SGK1: variants seen among roughly 807,000 people sequenced by gnomAD.
SGK1 encodes serum/glucocorticoid regulated kinase 1, also known as serine/threonine-protein kinase Sgk1.
SGK1 carries 26 observed loss-of-function variants against 64.2 expected under a neutral mutation model. The ratio of observed to expected loss-of-function variants is 0.40; its 90% CI spans 0.30 to 0.56. The LOEUF (loss-of-function observed/expected upper bound fraction) is 0.56, where lower values mean the gene tolerates loss of function less well. Among genes scored for constraint, SGK1 ranks in the 20% least tolerant of loss-of-function variants. The probability of loss-of-function intolerance (pLI) is 0.38; values close to 1 mark genes in which losing one functional copy is unlikely to be tolerated. For synonymous variants in SGK1, 265 were observed against 239.7 expected, an observed-to-expected ratio of 1.11 and a Z score of -0.98; for missense variants, 519 against 645.6, an observed-to-expected ratio of 0.80 and a Z score of 2.12.
rs183187288 is a variant in SGK1 at position 134,298,837 on chromosome 6, G to A, written c.69+18555C>T. ...TTTATTTGAGATGGAGTCTCTCTCC[G>A]TCGCCCAGGCTGGAGTGCAGTGGCT... On this transcript the variant is annotated intron_variant, in intron 1 of 13. Transcript: ENST00000367858. 2.5e-3 allele frequency: 608 copies of A among 246,602 alleles called. 13 individuals are homozygous for A. In the Admixed American group the frequency reaches 0.03, roughly 12 times the overall value. The allele number at this position is 246,602 out of a possible 1,614,324, so 15.3% of individuals were successfully genotyped here.
intron 3 of SGK1, chr6:134,174,835 T>A (rs374382279): frequency 1.2e-6 from 2 of 1,613,518 alleles, no homozygotes; most frequent in African/African-American, 1.3e-5. Flanking sequence ...AGAAAGACGT[T>A]AGCGCTCAAA....
intron 3 of SGK1, among the ~76,000 whole-genome samples, chr6:134,182,958 T>G (rs371907409): frequency 6.6e-6 from 1 of 152,190 alleles, no homozygotes; most frequent in Non-Finnish European, 1.5e-5. Context: ...AGTTTTTACT[T>G]GCTCGAGGAA....
intron 3 of SGK1, among the ~76,000 whole-genome samples, chr6:134,206,337 T>TGAGATA (rs1562250103): frequency 9.0e-6 from 1 of 111,458 alleles, no homozygotes; most frequent in East Asian, 3.9e-4. Flanking sequence ...CTGTACCTGA[T>TGAGATA]GATATATATA....
chr6:134,247,789 A>G (rs1776546840), intron 2 of SGK1, among the ~76,000 whole-genome samples: 1 of 152,150 alleles, frequency 6.6e-6, no homozygotes, highest in African/African-American at 2.4e-5. Flanking sequence ...CATTCACTAA[A>G]ATTATAGATA....
intron 1 of SGK1, among the ~76,000 whole-genome samples, chr6:134,284,771 A>G (rs1483488230): frequency 1.3e-5 from 2 of 152,188 alleles, no homozygotes; most frequent in East Asian, 1.9e-4. Flanking sequence ...GGCATGAGCC[A>G]CCACACCCAG....
chr6:134,283,815 A>G (rs1156230558), intron 1 of SGK1, among the ~76,000 whole-genome samples: 2 of 134,152 alleles, frequency 1.5e-5, no homozygotes, highest in African/African-American at 5.5e-5. Context: ...ATGAGCCATG[A>G]TCGCAGCACT....
Position 134,254,593 on chromosome 6 carries a change from T to A in SGK1, c.285+7340A>T, listed in dbSNP as rs149666238. 1.7e-3 allele frequency among the ~76,000 whole-genome samples: 252 copies of A among 152,258 alleles called. 1 individual carries two copies. The highest frequency in any genetic ancestry group is 5.4e-3 in the Admixed American group (82 of 15,288). On this transcript the variant is annotated intron_variant, in intron 2 of 13. Transcript: ENST00000367858. The stretch of plus-strand genomic sequence containing the variant: ...TTAAACGATATAAAGAAAGCTAATG[T>A]CCTCCTTGACTCATCTCCTCCACCT...
intron 2 of SGK1, among the ~76,000 whole-genome samples, chr6:134,217,158 A>C (rs892688247): frequency 5.3e-5 from 8 of 152,154 alleles, no homozygotes; most frequent in African/African-American, 4.8e-5. Flanking sequence ...TGAAAGTGAA[A>C]AGGCAGGGAT....
intron 2 of SGK1, among the ~76,000 whole-genome samples, chr6:134,256,088 C>CTTTTTTTTTTTTTTT (rs68106923): frequency 7.2e-6 from 1 of 139,244 alleles, no homozygotes; most frequent in Non-Finnish European, 1.5e-5. Context: ...GTCCTTTTTC[C>CTTTTTTTTTTTTTTT]TTTTTTTTTT....
chr6:134,245,952 G>T (rs996115667), intron 2 of SGK1, among the ~76,000 whole-genome samples: 1 of 152,178 alleles, frequency 6.6e-6, no homozygotes. Flanking sequence ...TGATGTAGTT[G>T]CTTTGAAATC....
chr6:134,196,108 A>G (rs1228498307), intron 3 of SGK1, among the ~76,000 whole-genome samples: 1 of 152,208 alleles, frequency 6.6e-6, no homozygotes, highest in African/African-American at 2.4e-5. Flanking sequence ...TCTATAATCT[A>G]TTATTACTAT....
intron 8 of SGK1, 65 bp downstream of exon 8, chr6:134,172,958 C>T: frequency 6.5e-7 from 1 of 1,545,274 alleles, no homozygotes; most frequent in Admixed American, 2.0e-5. Context: ...AAACTTTTTT[C>T]TCAAACTAAA....
intron 2 of SGK1, among the ~76,000 whole-genome samples, chr6:134,229,058 C>T (rs1776236521): frequency 6.6e-6 from 1 of 152,178 alleles, no homozygotes; most frequent in South Asian, 2.1e-4. Context: ...GTCTCGATCT[C>T]CTGACCTCGT....
intron 2 of SGK1, among the ~76,000 whole-genome samples, chr6:134,241,159 A>C (rs913642537): frequency 6.8e-6 from 1 of 147,792 alleles, no homozygotes; most frequent in Admixed American, 6.9e-5. Flanking sequence ...AAGCAATTCG[A>C]CCACCTAAGC....
rs779399570 is a variant in SGK1 at position 134,172,267 on chromosome 6, G to A, written c.997C>T (p.Leu333Phe). Residue 333 changes from leucine to phenylalanine, a missense_variant, in exon 10 of 14, where the codon CTT (leucine) becomes TTT (phenylalanine). Coordinates refer to ENST00000367858, the MANE Select transcript of SGK1 (RefSeq NM_001143676.3). ...ILLDSQGHIV[L>F]TDFGLCKENI... ...TCCTTGCAGAGTCCGAAGTCAGTAA[G>A]GACAATGTGTCCCTGTGAATCTAGC... 2 of 1,613,810 alleles carry A rather than the reference G, an allele frequency of 1.2e-6. No individual in the cohort carries two copies. Among genetic ancestry groups the A allele is most frequent in the Non-Finnish European group, 1.7e-6 (2 of 1,179,830 alleles).
Position 134,169,399 on chromosome 6 carries a change from T to C in SGK1, c.*869A>G, listed in dbSNP as rs1022241400. On this transcript the variant is annotated 3_prime_UTR_variant, in exon 14 of 14. Transcript: ENST00000367858. ...TGGTGGTTTACATTACAAATAAGCC[T>C]GTAAGTTTAAATATACTAGTGTTAT... 3 of 152,592 alleles carry C rather than the reference T, an allele frequency of 2.0e-5. No individual in the cohort carries two copies. Among genetic ancestry groups the C allele is most frequent in the African/African-American group, 7.2e-5 (3 of 41,438 alleles). The allele number at this position is 152,592 out of a possible 1,614,324, so 9.5% of individuals were successfully genotyped here. A position where few individuals can be genotyped will look rare whatever the true frequency, so the allele number is the denominator to read the frequency against.
chr6:134,316,173 T>C (rs770575711), intron 1 of SGK1, among the ~76,000 whole-genome samples: 2 of 152,196 alleles, frequency 1.3e-5, no homozygotes, highest in Admixed American at 6.5e-5. Context: ...CTTGGGAGCC[T>C]TCGCTGGCCC....
At chr6:134,306,279 T>C (rs1223637662) in intron 1 of SGK1, among the ~76,000 whole-genome samples, 1 of 151,804 alleles carries the variant, frequency 6.6e-6, no homozygotes, top group African/African-American at 2.4e-5. Context: ...AAAAATTAGC[T>C]GGGCATGATG....
chr6:134,173,703 C>T (rs1417122343), intron 5 of SGK1, 137 bp from the exon 6 acceptor site: 1 of 635,218 alleles, frequency 1.6e-6, no homozygotes, highest in Non-Finnish European at 2.7e-6. Context: ...TTCAAAACTA[C>T]ATTTCATCAC....
Sources: allele counts gnomAD v4.1 joint callset (sites outside exome capture counted in the v4.1 genomes callset), GRCh38; gene constraint gnomAD v4.1.1; transcripts MANE v1.5; gene names NCBI Gene and HGNC (gene_info 2026-07-23, HGNC 2026-07-21).